The following ADAMTSL1 variants were observed in gnomAD, a reference collection of about 807,000 sequenced individuals.
ADAMTSL1 encodes ADAMTS like 1.
ADAMTSL1 carries 126 observed loss-of-function variants against 201.8 expected under a neutral mutation model. The ratio of observed to expected loss-of-function variants is 0.62; its 90% CI spans 0.54 to 0.72. ADAMTSL1 has a LOEUF of 0.72. Ranked by LOEUF, ADAMTSL1 falls within the 30% of genes least tolerant of loss-of-function variation. ADAMTSL1 has a pLI of 0.00. For synonymous variants in ADAMTSL1, 1,121 were observed against 903.4 expected (o/e 1.24, Z -4.32); for missense variants, 2,679 against 2,277.8 (o/e 1.18, Z -3.59).
intron 1 of ADAMTSL1, among the ~76,000 whole-genome samples, chr9:17,977,551 C>T (rs1818505211): frequency 6.6e-6 from 1 of 151,950 alleles, no homozygotes; most frequent in African/African-American, 2.4e-5. Context: ...AATTTATCCA[C>T]TTTTTTATAG....
At chr9:18,450,937 A>C (rs1187832244) in intron 2 of ADAMTSL1, among the ~76,000 whole-genome samples, 2 of 152,248 alleles carry the variant, frequency 1.3e-5, no homozygotes, top group African/African-American at 4.8e-5. Flanking sequence ...CAAGAACTGT[A>C]GTCTGGGTTT....
At chr9:18,423,095 A>G (rs1003645046) in intron 2 of ADAMTSL1, among the ~76,000 whole-genome samples, 1 of 152,076 alleles carries the variant, frequency 6.6e-6, no homozygotes, top group African/African-American at 2.4e-5. Context: ...AAATCTCTTT[A>G]ATTAAATTTT....
intron 23 of ADAMTSL1, among the ~76,000 whole-genome samples, chr9:18,876,819 T>A (rs1483106966): frequency 6.6e-6 from 1 of 152,260 alleles, no homozygotes; most frequent in Non-Finnish European, 1.5e-5. Flanking sequence ...AGGGAAGTTT[T>A]CCTCGATTAT....
intron 20 of ADAMTSL1, among the ~76,000 whole-genome samples, chr9:18,813,546 GGTTAAATTT>G (rs1173382770): frequency 6.6e-6 from 1 of 151,972 alleles, no homozygotes; most frequent in Non-Finnish European, 1.5e-5. Flanking sequence ...TCACCTCCTT[GGTTAAATTT>G]GTTCCTAAGG....
intron 2 of ADAMTSL1, among the ~76,000 whole-genome samples, chr9:18,224,407 G>A (rs1444052980): frequency 1.3e-5 from 2 of 152,012 alleles, no homozygotes; most frequent in African/African-American, 4.8e-5. Context: ...TGATGATTCT[G>A]CCATCATAAC....
intron 1 of ADAMTSL1, among the ~76,000 whole-genome samples, chr9:18,089,392 A>G (rs1823908628): frequency 6.8e-6 from 1 of 147,572 alleles, no homozygotes; most frequent in Admixed American, 7.0e-5. Context: ...GCATATTCTC[A>G]TTCATAAGTG....
At chr9:18,060,168 C>T in intron 1 of ADAMTSL1, among the ~76,000 whole-genome samples, 1 of 152,064 alleles carries the variant, frequency 6.6e-6, no homozygotes, top group Non-Finnish European at 1.5e-5. Flanking sequence ...GTGTATGTAC[C>T]TAAGGATGTA....
chr9:18,410,906 A>G (rs1587112604), intron 2 of ADAMTSL1, among the ~76,000 whole-genome samples: 1 of 148,820 alleles, frequency 6.7e-6, no homozygotes. Context: ...CAGTGGTGCA[A>G]TCTTGTCTTA....
intron 2 of ADAMTSL1, among the ~76,000 whole-genome samples, chr9:18,377,280 T>G (rs1366764555): frequency 1.3e-5 from 2 of 152,236 alleles, no homozygotes; most frequent in African/African-American, 2.4e-5. Flanking sequence ...CTTAAGTTTG[T>G]TATGAGAACT....
chr9:18,586,512 T>C (rs1298999532), intron 4 of ADAMTSL1, among the ~76,000 whole-genome samples: 1 of 152,086 alleles, frequency 6.6e-6, no homozygotes, highest in Non-Finnish European at 1.5e-5. Flanking sequence ...GAAATAGCCA[T>C]ACTGCCTAAA....
chr9:18,397,532 G>A (rs1364480264), intron 2 of ADAMTSL1, among the ~76,000 whole-genome samples: 2 of 152,088 alleles, frequency 1.3e-5, no homozygotes, highest in African/African-American at 4.8e-5. Context: ...TGTGAAAAGA[G>A]ACAGCAAGAA....
intron 1 of ADAMTSL1, among the ~76,000 whole-genome samples, chr9:17,935,500 C>T (rs754662754): frequency 6.6e-6 from 1 of 152,110 alleles, no homozygotes; most frequent in Admixed American, 6.6e-5. Context: ...TTTAACAGGC[C>T]TCTTACCATG....
chr9:18,816,252 T>C (rs1030303600), intron 20 of ADAMTSL1, among the ~76,000 whole-genome samples: 5 of 152,200 alleles, frequency 3.3e-5, no homozygotes, highest in African/African-American at 1.2e-4. Context: ...TCTCTTTCTG[T>C]ATCATTTCTT....
intron 2 of ADAMTSL1, among the ~76,000 whole-genome samples, chr9:18,343,011 A>C (rs1005799262): frequency 7.9e-5 from 12 of 151,976 alleles, no homozygotes; most frequent in African/African-American, 2.9e-4. Context: ...ATTATCTTTA[A>C]AAAATGTGGG....
At chr9:17,937,635 A>ACCT (rs1328568742) in intron 1 of ADAMTSL1, among the ~76,000 whole-genome samples, 1 of 149,850 alleles carries the variant, frequency 6.7e-6, no homozygotes, top group African/African-American at 2.5e-5. Context: ...AATCTTGTTG[A>ACCT]TTTAAATTCC....
intron 23 of ADAMTSL1, among the ~76,000 whole-genome samples, chr9:18,840,734 C>T (rs1406084353): frequency 6.6e-6 from 1 of 150,810 alleles, no homozygotes; most frequent in East Asian, 1.9e-4. Flanking sequence ...TGTAGTTCTC[C>T]TTGAAGAGGT....
intron 2 of ADAMTSL1, among the ~76,000 whole-genome samples, chr9:18,406,935 G>T (rs1818231464): frequency 6.6e-6 from 1 of 152,104 alleles, no homozygotes; most frequent in Non-Finnish European, 1.5e-5. Flanking sequence ...TGTGAGAATT[G>T]AATTTGAGAA....
At chr9:18,727,923 T>C (rs900654979) in intron 15 of ADAMTSL1, among the ~76,000 whole-genome samples, 1 of 151,854 alleles carries the variant, frequency 6.6e-6, no homozygotes, top group African/African-American at 2.4e-5. Flanking sequence ...CTACTAAAAA[T>C]GCAAAAATTG....
chr9:18,485,183 A>G (rs563591283), intron 1 of ADAMTSL1, among the ~76,000 whole-genome samples: 60 of 152,316 alleles, frequency 3.9e-4, no homozygotes, highest in African/African-American at 1.4e-3. Context: ...GGAAGAGTAC[A>G]GATTCGAACC....
Sources: allele counts gnomAD v4.1 joint callset (sites outside exome capture counted in the v4.1 genomes callset), GRCh38; gene constraint gnomAD v4.1.1; transcripts MANE v1.5; gene names NCBI Gene and HGNC (gene_info 2026-07-23, HGNC 2026-07-21).